DMD: variants seen among roughly 807,000 people sequenced by gnomAD.
DMD encodes the protein dystrophin.
A neutral mutation model predicts 330.1 loss-of-function variants in DMD; 63 were observed. The ratio of observed to expected loss-of-function variants is 0.19; its 90% confidence interval spans 0.16 to 0.24. DMD has a LOEUF of 0.24. Ranked by LOEUF, DMD falls within the 10% of genes least tolerant of loss-of-function variation. The probability of loss-of-function intolerance (pLI) is 1.00; values close to 1 mark genes in which losing one functional copy is unlikely to be tolerated. For synonymous variants in DMD, 1,223 were observed against 959.8 expected, an observed-to-expected ratio of 1.27 and a Z score of -5.07; for missense variants, 3,344 against 2,684.1, an observed-to-expected ratio of 1.25 and a Z score of -5.43.
At chrX:31,519,504 C>T (rs1182482182) in intron 55 of DMD, among the ~76,000 whole-genome samples, 6 of 111,915 alleles carry the variant, frequency 5.4e-5, no homozygotes, top group Non-Finnish European at 9.4e-5. Flanking sequence ...TAAATGCAAA[C>T]AACAACTTCA....
intron 7 of DMD, among the ~76,000 whole-genome samples, chrX:32,718,592 A>G (rs1375672823): frequency 8.9e-6 from 1 of 112,376 alleles, no homozygotes; most frequent in Non-Finnish European, 1.9e-5. Flanking sequence ...AACCTTTCTC[A>G]GGACTTGGTA....
At chrX:32,455,073 G>A (rs1433553965) in intron 25 of DMD, among the ~76,000 whole-genome samples, 2 of 111,008 alleles carry the variant, frequency 1.8e-5, no homozygotes, top group Non-Finnish European at 3.8e-5. Flanking sequence ...GCCCGATGAT[G>A]ATAATTCAGC....
chrX:31,833,359 AAGAGAGAGAG>A (rs61677647), intron 49 of DMD, among the ~76,000 whole-genome samples: 6 of 50,461 alleles, frequency 1.2e-4, no homozygotes, highest in African/African-American at 4.1e-4. Context: ...GAGGGAGGGA[AAGAGAGAGAG>A]AGAGAGAGAG....
At chrX:32,327,860 G>C (rs955321649) in intron 41 of DMD, among the ~76,000 whole-genome samples, 1 of 111,635 alleles carries the variant, frequency 9.0e-6, no homozygotes, top group Non-Finnish European at 1.9e-5. Context: ...ACTTGGATAT[G>C]ACTGTTCCTC....
chrX:32,390,034 C>G, intron 31 of DMD, 37 bp downstream of exon 31: 2 of 1,109,707 alleles, frequency 1.8e-6, no homozygotes, highest in East Asian at 3.0e-5. Flanking sequence ...TAATGCCCAA[C>G]GAAAACACGT....
At chrX:31,831,466 C>T (rs2093028304) in intron 49 of DMD, among the ~76,000 whole-genome samples, 2 of 111,689 alleles carry the variant, frequency 1.8e-5, no homozygotes, top group African/African-American at 6.5e-5. Flanking sequence ...TACAAGTTGC[C>T]CAAAAATCTA....
intron 59 of DMD, among the ~76,000 whole-genome samples, chrX:31,460,249 T>A (rs1403588456): frequency 3.6e-5 from 4 of 111,434 alleles, no homozygotes; most frequent in Non-Finnish European, 7.5e-5. Flanking sequence ...TCCCACATCA[T>A]CTCTATTTCA....
intron 54 of DMD, among the ~76,000 whole-genome samples, chrX:31,628,079 C>T (rs1475058991): frequency 2.7e-5 from 3 of 111,108 alleles, no homozygotes; most frequent in Non-Finnish European, 5.7e-5. Flanking sequence ...TGGGGGAAGG[C>T]ATGCAAGAAT....
At chrX:33,230,131 G>A (rs2052364035) in intron 1 of DMD, among the ~76,000 whole-genome samples, 1 of 110,811 alleles carries the variant, frequency 9.0e-6, no homozygotes, top group Admixed American at 9.5e-5. Flanking sequence ...TACACCATAT[G>A]TGTATGATGT....
chrX:32,933,702 A>G (rs953202379), intron 2 of DMD, among the ~76,000 whole-genome samples: 6 of 112,052 alleles, frequency 5.4e-5, no homozygotes, highest in African/African-American at 1.6e-4. Flanking sequence ...ACTGCTGTTG[A>G]ATGGGAAACC....
chrX:32,426,121 C>T (rs923428358), intron 29 of DMD, among the ~76,000 whole-genome samples: 1 of 111,841 alleles, frequency 8.9e-6, no homozygotes, highest in Non-Finnish European at 1.9e-5. Context: ...CAAACACTGA[C>T]AAATGAGACC....
At chrX:31,401,214 T>C (rs780733805) in intron 60 of DMD, among the ~76,000 whole-genome samples, 5 of 111,723 alleles carry the variant, frequency 4.5e-5, no homozygotes, top group Non-Finnish European at 9.4e-5. Context: ...CTAGAAGCCT[T>C]GGTTTTATTG....
intron 23 of DMD, 129 bp from the exon 24 acceptor site, chrX:32,464,828 T>C: frequency 3.8e-6 from 2 of 519,779 alleles, no homozygotes; most frequent in Non-Finnish European, 6.9e-6. Flanking sequence ...TAAGTAGTTC[T>C]TGAGGCAAAG....
chrX:32,035,836 C>A (rs1418004852), intron 44 of DMD, among the ~76,000 whole-genome samples: 1 of 106,422 alleles, frequency 9.4e-6, no homozygotes, highest in Non-Finnish European at 1.9e-5. Context: ...ATTCATGTCC[C>A]AACGAAAAAA....
At chrX:32,719,505 T>TA (rs941492671) in intron 7 of DMD, among the ~76,000 whole-genome samples, 12 of 111,834 alleles carry the variant, frequency 1.1e-4, no homozygotes, top group African/African-American at 3.9e-4. Context: ...GTCATTGTAC[T>TA]AAATAAAAGA....
chrX:33,172,759 T>TAG (rs2049425313), intron 1 of DMD, among the ~76,000 whole-genome samples: 1 of 111,924 alleles, frequency 8.9e-6, no homozygotes, highest in Non-Finnish European at 1.9e-5. Context: ...CATTAACTGT[T>TAG]TCTATCAAAG....
At chrX:31,655,252 G>C (rs1603441217) in intron 54 of DMD, among the ~76,000 whole-genome samples, 1 of 111,259 alleles carries the variant, frequency 9.0e-6, no homozygotes, top group Middle Eastern at 4.6e-3. Context: ...AGATGATCTA[G>C]AGCAGGACTA....
intron 1 of DMD, among the ~76,000 whole-genome samples, chrX:33,083,492 A>G (rs1425574767): frequency 4.5e-5 from 5 of 111,431 alleles, no homozygotes; most frequent in Non-Finnish European, 9.4e-5. Flanking sequence ...CAAGGGAAAG[A>G]GCAGATAGTC....
At chrX:32,385,796 G>GGGAAATA (rs1490921620) in intron 33 of DMD, among the ~76,000 whole-genome samples, 3 of 109,974 alleles carry the variant, frequency 2.7e-5, no homozygotes, top group Non-Finnish European at 5.7e-5. Flanking sequence ...AAGTGTGGTA[G>GGGAAATA]ATTTTGCAAG....
Sources: allele counts gnomAD v4.1 joint callset (sites outside exome capture counted in the v4.1 genomes callset), GRCh38; gene constraint gnomAD v4.1.1; transcripts MANE v1.5; gene names NCBI Gene and HGNC (gene_info 2026-07-23, HGNC 2026-07-21).